Variants in TRIM69 observed in about 807,000 individuals in gnomAD.
The protein encoded by TRIM69 is E3 ubiquitin-protein ligase TRIM69.
TRIM69 carries 29 observed loss-of-function variants against 37.7 expected under a neutral mutation model. The ratio of observed to expected loss-of-function variants is 0.77; its 90% CI spans 0.57 to 1.05. The LOEUF (loss-of-function observed/expected upper bound fraction) is 1.05. Ranked by LOEUF, TRIM69 falls within the 50% of genes least tolerant of loss-of-function variation. TRIM69 has a pLI of 0.00. For missense variants in TRIM69, 596 were observed against 579.9 expected (o/e 1.03, Z -0.28); for synonymous variants, 209 against 212.4 (o/e 0.98, Z 0.14).
intron 1 of TRIM69, among the ~76,000 whole-genome samples, chr15:44,740,858 A>T (rs1404297752): frequency 6.6e-6 from 1 of 151,988 alleles, no homozygotes; most frequent in Non-Finnish European, 1.5e-5. Flanking sequence ...CTCCCACACA[A>T]TAATAATGGG....
chr15:44,745,225 T>A (rs191634983), intron 1 of TRIM69, among the ~76,000 whole-genome samples: 1 of 150,460 alleles, frequency 6.6e-6, no homozygotes, highest in Non-Finnish European at 1.5e-5. Flanking sequence ...GACTGGGAGG[T>A]TTTTGTTGTT....
Position 44,756,354 on chromosome 15 carries a change from T to G in TRIM69, c.484-14T>G, listed in dbSNP as rs1337772005. On this transcript the variant is annotated splice_polypyrimidine_tract_variant and intron_variant, in intron 2 of 6. Transcript: ENST00000329464. Reference sequence around the variant, plus strand: ...CCCGAGTTAGTCTGGGTTAATTCTATTTGATATTCCCAGGAGGAGCTTGCC... The same window carrying G: ...CCCGAGTTAGTCTGGGTTAATTCTAGTTGATATTCCCAGGAGGAGCTTGCC... 6.5e-7 allele frequency: 1 copy of G among 1,534,418 alleles called. No homozygotes were observed. Among genetic ancestry groups the G allele is most frequent in the Non-Finnish European group, 8.8e-7 (1 of 1,132,258 alleles).
chr15:44,741,737 G>A (rs1278511609), intron 1 of TRIM69, among the ~76,000 whole-genome samples: 4 of 152,146 alleles, frequency 2.6e-5, no homozygotes, highest in African/African-American at 9.7e-5. Flanking sequence ...TAAATTCTTC[G>A]ACACATACAC....
chr15:44,765,758 AAAAC>A (rs1243132418), intron 6 of TRIM69, among the ~76,000 whole-genome samples: 15 of 23,584 alleles, frequency 6.4e-4, no homozygotes, highest in African/African-American at 1.1e-3. Flanking sequence ...TATCTCAAAA[AAAAC>A]AAAACAAAAC....
chr15:44,758,449 T>G, intron 3 of TRIM69, 172 bp from the exon 4 acceptor site: 1 of 981,830 alleles, frequency 1.0e-6, no homozygotes, highest in East Asian at 2.6e-5. Flanking sequence ...GGAAAAGGAG[T>G]AAGTCTCCCA....
intron 6 of TRIM69, among the ~76,000 whole-genome samples, chr15:44,766,266 A>C (rs1263430011): frequency 1.3e-5 from 2 of 152,182 alleles, no homozygotes; most frequent in Admixed American, 1.3e-4. Flanking sequence ...TTTACTGTTA[A>C]TTTCTATACT....
intron 1 of TRIM69, among the ~76,000 whole-genome samples, chr15:44,748,361 A>T (rs2087450464): frequency 6.6e-6 from 1 of 152,186 alleles, no homozygotes; most frequent in Non-Finnish European, 1.5e-5. Flanking sequence ...AAGTATGGGC[A>T]TAGAAACAAA....
intron 1 of TRIM69, 66 bp from the exon 2 acceptor site, chr15:44,754,834 A>C (rs944036326): frequency 8.2e-7 from 1 of 1,214,170 alleles, no homozygotes; most frequent in African/African-American, 1.5e-5. Flanking sequence ...GAATGGCGCC[A>C]TCATCCTGGA....
chr15:44,767,072 A>AAAAAAAAAAAAAAAAAAAAAAAAC (rs2087908180), intron 6 of TRIM69, among the ~76,000 whole-genome samples, 159 bp from the exon 7 acceptor site: 1 of 144,286 alleles, frequency 6.9e-6, no homozygotes, highest in East Asian at 1.9e-4. Flanking sequence ...AAAAAAAAAA[A>AAAAAAAAAAAAAAAAAAAAAAAAC]AAAAAAAAAA....
chr15:44,751,651 G>A (rs930529702), intron 1 of TRIM69, among the ~76,000 whole-genome samples: 20 of 152,208 alleles, frequency 1.3e-4, no homozygotes, highest in African/African-American at 4.6e-4. Flanking sequence ...CTATTGATTT[G>A]TGGTCTTTCT....
In TRIM69 at chr15:44,756,599, G is replaced by GAGTCT. The variant is rs1416748222; in HGVS notation, c.579+137_579+141dup. 10 of 606,364 alleles carry GAGTCT rather than the reference G, an allele frequency of 1.6e-5. No homozygotes were observed. The African/African-American group carries it at 1.8e-4, about 11-fold the overall frequency. 37.6% of individuals were successfully genotyped at this position (606,364 alleles called of 1,614,324 possible). On this transcript the variant is annotated intron_variant, in intron 3 of 6. Coordinates refer to ENST00000329464, the MANE Select transcript of TRIM69 (RefSeq NM_182985.5). ...ACCTAGGCTATGGAATTGGAAAACT[G>GAGTCT]AGTCTGTAGGGTGGAAAGGAATATG...
In TRIM69 at chr15:44,759,870, C is replaced by T. The variant is rs539528608; in HGVS notation, c.959C>T (p.Pro320Leu). 19 of 1,610,390 alleles carry T rather than the reference C, an allele frequency of 1.2e-5. No homozygotes were observed. In the East Asian group the frequency reaches 2.9e-4, roughly 25 times the overall value. Residue 320 changes from proline to leucine, a missense_variant and splice_region_variant, in exon 6 of 7, where the codon CCA becomes CTA. Transcript: ENST00000329464. The part of the protein sequence containing the change: ...VWREMQDTLC[P>L]GLSPLTLDPK... ...AGGGAAATGCAGGACACTCTCTGCC[C>T]AGGTATCAGTGGGTAGTAACTATTG...
At chr15:44,746,437 C>G (rs1306227589) in intron 1 of TRIM69, among the ~76,000 whole-genome samples, 1 of 152,110 alleles carries the variant, frequency 6.6e-6, no homozygotes, top group Non-Finnish European at 1.5e-5. Context: ...CATCAAAGAA[C>G]TACCTATTTT....
chr15:44,750,715 CTTTTTTTTTTTTTTTTT>C (rs869059418), intron 1 of TRIM69, among the ~76,000 whole-genome samples: 3 of 102,838 alleles, frequency 2.9e-5, no homozygotes, highest in Admixed American at 1.2e-4. Flanking sequence ...ATTACTTTTT[CTTTTTTTTTTTTTTTTT>C]TTTTTTTTTT....
At chr15:44,745,216 A>AC (rs1473884287) in intron 1 of TRIM69, among the ~76,000 whole-genome samples, 4 of 152,010 alleles carry the variant, frequency 2.6e-5, no homozygotes, top group African/African-American at 9.7e-5. Context: ...ATTTACAAAG[A>AC]CTGGGAGGTT....
chr15:44,756,570 T>C, intron 3 of TRIM69, 107 bp downstream of exon 3: 1 of 706,656 alleles, frequency 1.4e-6, no homozygotes, highest in Non-Finnish European at 2.4e-6. Flanking sequence ...ACACACTAAA[T>C]GGTACCTAGG....
At chr15:44,744,219 C>G (rs2087353771) in intron 1 of TRIM69, among the ~76,000 whole-genome samples, 1 of 144,596 alleles carries the variant, frequency 6.9e-6, no homozygotes, top group Non-Finnish European at 1.5e-5. Flanking sequence ...AAAAACCAAA[C>G]ACTGCATGTT....
intron 1 of TRIM69, among the ~76,000 whole-genome samples, chr15:44,741,218 TG>T (rs1213517335): frequency 6.6e-6 from 1 of 152,194 alleles, no homozygotes; most frequent in African/African-American, 2.4e-5. Context: ...GAATGACTAC[TG>T]GGTACCTAAC....
chr15:44,756,116 T>A (rs1306584816), intron 2 of TRIM69, among the ~76,000 whole-genome samples: 1 of 152,148 alleles, frequency 6.6e-6, no homozygotes, highest in Non-Finnish European at 1.5e-5. Context: ...GGTCTCAAAC[T>A]CCTGGGCCCA....
Sources: allele counts gnomAD v4.1 joint callset (sites outside exome capture counted in the v4.1 genomes callset), GRCh38; gene constraint gnomAD v4.1.1; transcripts MANE v1.5; gene names NCBI Gene and HGNC (gene_info 2026-07-23, HGNC 2026-07-21).